TMEM114: variants seen among roughly 807,000 people sequenced by gnomAD.
The protein encoded by TMEM114 is claudin-26.
In TMEM114, 6 loss-of-function variants were observed where a neutral mutation model predicts 6.2. The observed-to-expected ratio is 0.97, with a 90% CI of 0.53 to 1.91. The LOEUF (loss-of-function observed/expected upper bound fraction) is 1.91. Ranked by LOEUF, TMEM114 falls within the 40% of genes most tolerant of loss-of-function variation. TMEM114 has a pLI of 0.01. For synonymous variants in TMEM114, 104 were observed against 73.0 expected (o/e 1.42, Z -2.16); for missense variants, 218 against 158.3 (o/e 1.38, Z -2.02).
intron 2 of TMEM114, among the ~76,000 whole-genome samples, chr16:8,546,560 G>T (rs887089239): frequency 6.6e-6 from 1 of 152,180 alleles, no homozygotes; most frequent in Non-Finnish European, 1.5e-5. Flanking sequence ...CTAGCAATTG[G>T]TTCAGGAAGC....
intron 2 of TMEM114, among the ~76,000 whole-genome samples, chr16:8,585,669 A>T (rs1902295245): frequency 6.6e-6 from 1 of 151,898 alleles, no homozygotes; most frequent in Non-Finnish European, 1.5e-5. Context: ...ATTTGCAAGG[A>T]GTACATGGTA....
chr16:8,590,171 T>A lies in TMEM114; in HGVS notation c.-333A>T, dbSNP rs975513388. ...AGACCCTCCTGGAAGCTCTAGTCCT[T>A]CCCCACCAGCACCTTAACCCACCTC... On this transcript the variant is annotated 5_prime_UTR_variant, in exon 1 of 4. Coordinates refer to ENST00000620492, the MANE Select transcript of TMEM114 (RefSeq NM_001146336.2). 1.2e-5 allele frequency: 3 copies of A among 257,946 alleles called. No individual in the cohort carries two copies. Among genetic ancestry groups the A allele is most frequent in the African/African-American group, 2.2e-5 (1 of 44,760 alleles). 16.0% of individuals were successfully genotyped at this position (257,946 alleles called of 1,614,324 possible).
intron 2 of TMEM114, among the ~76,000 whole-genome samples, chr16:8,588,364 A>G (rs2141704806): frequency 6.6e-6 from 1 of 152,242 alleles, no homozygotes; most frequent in Non-Finnish European, 1.5e-5. Context: ...ATCCTCCTAC[A>G]GAACCTCTCT....
downstream of TMEM114, among the ~76,000 whole-genome samples, chr16:8,565,145 T>A (rs1354723705): frequency 6.6e-6 from 1 of 151,634 alleles, no homozygotes; most frequent in Non-Finnish European, 1.5e-5. Flanking sequence ...GGATGGATAA[T>A]GATGGATGGG....
chr16:8,583,531 GC>G lies in TMEM114; in HGVS notation c.301+5681del, dbSNP rs912498072. ...AGGCCAAGGCAGGAGGGTCGCTTGA[GC>G]CCAGGAGTTTCAGACCAGCCTGGGC... On this transcript the variant is annotated intron_variant, in intron 2 of 3. Transcript: ENST00000620492. 9.2e-5 allele frequency among the ~76,000 whole-genome samples: 14 copies of G among 152,222 alleles called. 1 individual carries two copies. The highest frequency in any genetic ancestry group is 7.8e-4 in the East Asian group (4 of 5,156).
intron 2 of TMEM114, among the ~76,000 whole-genome samples, chr16:8,563,379 G>A (rs1901358909): frequency 1.3e-5 from 2 of 150,768 alleles, no homozygotes; most frequent in Admixed American, 6.6e-5. Context: ...GGGAATGAGT[G>A]AATGAGTGAG....
At chr16:8,554,740 G>A (rs1335701796) in intron 2 of TMEM114, among the ~76,000 whole-genome samples, 1 of 152,186 alleles carries the variant, frequency 6.6e-6, no homozygotes, top group East Asian at 1.9e-4. Flanking sequence ...CACTGGCTTA[G>A]CACTCACAGA....
At chr16:8,532,784 C>A (rs1433101145), downstream of TMEM114, among the ~76,000 whole-genome samples, 1 of 152,100 alleles carries the variant, frequency 6.6e-6, no homozygotes, top group East Asian at 1.9e-4. Context: ...ATTAGCCAGG[C>A]ATAGTGGCGG....
chr16:8,577,776 G>A (rs191532079), intron 2 of TMEM114, among the ~76,000 whole-genome samples: 10 of 151,932 alleles, frequency 6.6e-5, no homozygotes, highest in South Asian at 2.1e-4. Context: ...TAGTAGAGAC[G>A]GCATTTCACC....
chr16:8,537,039 C>G (rs1900381038), downstream of TMEM114, among the ~76,000 whole-genome samples: 1 of 152,008 alleles, frequency 6.6e-6, no homozygotes, highest in African/African-American at 2.4e-5. Context: ...AACCCTATGT[C>G]TACAAAAAAT....
intron 2 of TMEM114, among the ~76,000 whole-genome samples, chr16:8,562,789 T>G (rs1901307079): frequency 2.9e-5 from 1 of 34,724 alleles, no homozygotes; most frequent in African/African-American, 1.1e-4. Context: ...AGTGAATGAG[T>G]AAGTGAGTGA....
chr16:8,562,721 G>A (rs1167678899), intron 2 of TMEM114, among the ~76,000 whole-genome samples: 3 of 149,842 alleles, frequency 2.0e-5, no homozygotes, highest in Admixed American at 1.3e-4. Flanking sequence ...AGTGAGTGAG[G>A]GAGGGAGGGA....
intron 2 of TMEM114, among the ~76,000 whole-genome samples, chr16:8,562,576 G>C (rs897290221): frequency 5.2e-4 from 16 of 30,734 alleles, no homozygotes; most frequent in African/African-American, 1.9e-3. Context: ...GAGTGAATGA[G>C]TGAGGAAATA....
chr16:8,589,606 G>C lies in TMEM114; in HGVS notation c.220+13C>G, dbSNP rs978487341. The C allele has an allele frequency of 5.0e-6, 2 of 398,508 alleles. No individual in the cohort carries two copies. The highest frequency in any genetic ancestry group is 8.8e-6 in the Non-Finnish European group (2 of 225,998). 24.7% of individuals were successfully genotyped at this position (398,508 alleles called of 1,614,324 possible). ...TCGCAGCCACAGCTCCCAGCCACGG[G>C]GTGCACCCTTACCCCGGCAGGTCCG... On this transcript the variant is annotated intron_variant, in intron 1 of 3. Coordinates refer to ENST00000620492, the MANE Select transcript of TMEM114 (RefSeq NM_001146336.2).
downstream of TMEM114, among the ~76,000 whole-genome samples, chr16:8,567,378 G>A (rs1354413866): frequency 6.6e-6 from 1 of 152,204 alleles, no homozygotes; most frequent in Non-Finnish European, 1.5e-5. Context: ...CTCTGACACT[G>A]TAGGTATCTG....
At chr16:8,587,984 T>A (rs1283948246) in intron 2 of TMEM114, among the ~76,000 whole-genome samples, 8 of 151,518 alleles carry the variant, frequency 5.3e-5, no homozygotes, top group Non-Finnish European at 1.2e-4. Context: ...ATGTTTCCTA[T>A]CACTATTAAA....
chr16:8,549,859 T>A (rs1381433501), intron 2 of TMEM114, among the ~76,000 whole-genome samples: 1 of 152,122 alleles, frequency 6.6e-6, no homozygotes, highest in East Asian at 1.9e-4. Flanking sequence ...TTCAGGAGAA[T>A]TGGCTCACAT....
At chr16:8,582,137 G>C (rs1012466943) in intron 2 of TMEM114, among the ~76,000 whole-genome samples, 3 of 152,206 alleles carry the variant, frequency 2.0e-5, no homozygotes, top group Non-Finnish European at 4.4e-5. Context: ...CCTCCTCAGA[G>C]GACAGCGTGG....
chr16:8,553,487 T>C (rs1370132987), intron 2 of TMEM114, among the ~76,000 whole-genome samples: 2 of 121,228 alleles, frequency 1.6e-5, no homozygotes, highest in Non-Finnish European at 3.4e-5. Flanking sequence ...GTCTCAGCTT[T>C]TCTTTCTTTT....
Sources: allele counts gnomAD v4.1 joint callset (sites outside exome capture counted in the v4.1 genomes callset), GRCh38; gene constraint gnomAD v4.1.1; transcripts MANE v1.5; gene names NCBI Gene and HGNC (gene_info 2026-07-23, HGNC 2026-07-21).